Variants in ASIC2 observed in about 807,000 individuals in gnomAD.
ASIC2 encodes the protein acid sensing ion channel subunit 2.
In ASIC2, 25 loss-of-function variants were observed where a neutral mutation model predicts 57.3. The ratio of observed to expected loss-of-function variants is 0.44; its 90% CI spans 0.32 to 0.61. ASIC2 has a LOEUF of 0.61. ASIC2 is among the 20% of genes least tolerant of loss of function. ASIC2 has a pLI of 0.06. For synonymous variants in ASIC2, 319 were observed against 307.5 expected, an observed-to-expected ratio of 1.04 and a Z score of -0.39; for missense variants, 641 against 738.1, an observed-to-expected ratio of 0.87 and a Z score of 1.52.
chr17:34,035,332 T>C (rs1256332089), intron 1 of ASIC2, among the ~76,000 whole-genome samples: 1 of 144,860 alleles, frequency 6.9e-6, no homozygotes, highest in Non-Finnish European at 1.5e-5. Context: ...TAGCCACATG[T>C]AGAAAGCTGA....
chr17:33,090,047 C>T (rs974276884), intron 2 of ASIC2, among the ~76,000 whole-genome samples: 1 of 152,206 alleles, frequency 6.6e-6, no homozygotes, highest in Non-Finnish European at 1.5e-5. Flanking sequence ...GGACCCCAGG[C>T]TCCTTACCCA....
At chr17:33,952,267 G>T (rs1365579551) in intron 1 of ASIC2, among the ~76,000 whole-genome samples, 2 of 152,106 alleles carry the variant, frequency 1.3e-5, no homozygotes, top group African/African-American at 4.8e-5. Flanking sequence ...AAATCAAAAA[G>T]GTGGGGAAGA....
chr17:33,807,040 C>T (rs567361517), intron 1 of ASIC2, among the ~76,000 whole-genome samples: 1 of 152,220 alleles, frequency 6.6e-6, no homozygotes, highest in Non-Finnish European at 1.5e-5. Context: ...GTCATTAGCT[C>T]GGAGGCAGAA....
At chr17:33,847,538 C>T (rs1191143677) in intron 1 of ASIC2, among the ~76,000 whole-genome samples, 2 of 152,170 alleles carry the variant, frequency 1.3e-5, no homozygotes, top group African/African-American at 4.8e-5. Context: ...GCTGACCCTG[C>T]TCGCTGGGTA....
chr17:33,312,095 T>C (rs4499288), intron 1 of ASIC2, among the ~76,000 whole-genome samples: 17,290 of 152,282 alleles, frequency 0.11, 1,235 homozygotes, highest in East Asian at 0.27. Flanking sequence ...TGACCTTGGG[T>C]GAGCCATGCA....
intron 1 of ASIC2, among the ~76,000 whole-genome samples, chr17:33,919,856 G>A (rs1915671241): frequency 6.6e-6 from 1 of 152,230 alleles, no homozygotes; most frequent in Admixed American, 6.5e-5. Context: ...TAAAAAGCGG[G>A]CAAAGGAAAT....
chr17:33,969,450 A>G (rs73276656), intron 1 of ASIC2, among the ~76,000 whole-genome samples: 3,944 of 152,304 alleles, frequency 0.026, 137 homozygotes, highest in African/African-American at 0.071. Flanking sequence ...CTGTCTCACA[A>G]GCAGGCTCAG....
At chr17:33,173,318 A>T (rs1905603273) in intron 1 of ASIC2, among the ~76,000 whole-genome samples, 1 of 152,138 alleles carries the variant, frequency 6.6e-6, no homozygotes, top group African/African-American at 2.4e-5. Flanking sequence ...ATGTGTATGG[A>T]ACAGCACAGC....
At chr17:33,740,159 C>G (rs1910064984) in intron 1 of ASIC2, among the ~76,000 whole-genome samples, 1 of 152,148 alleles carries the variant, frequency 6.6e-6, no homozygotes, top group African/African-American at 2.4e-5. Flanking sequence ...TAAGTAGAGA[C>G]AGGAGAGCAA....
intron 1 of ASIC2, among the ~76,000 whole-genome samples, chr17:33,143,970 A>G (rs2142021009): frequency 6.6e-6 from 1 of 152,232 alleles, no homozygotes; most frequent in Admixed American, 6.5e-5. Context: ...CTGGTATAAT[A>G]TGGTCCCACT....
intron 1 of ASIC2, among the ~76,000 whole-genome samples, chr17:33,886,359 G>A (rs774585869): frequency 8.5e-5 from 13 of 152,194 alleles, no homozygotes; most frequent in East Asian, 1.9e-4. Context: ...GAGGGATTCC[G>A]ATCGTAAAGG....
At chr17:34,009,643 C>G (rs1906647206) in intron 1 of ASIC2, among the ~76,000 whole-genome samples, 1 of 152,134 alleles carries the variant, frequency 6.6e-6, no homozygotes, top group Admixed American at 6.5e-5. Flanking sequence ...CAGCTCTGCT[C>G]TGAGGGAAGT....
At chr17:33,592,959 A>G (rs1215735638) in intron 1 of ASIC2, among the ~76,000 whole-genome samples, 2 of 152,200 alleles carry the variant, frequency 1.3e-5, no homozygotes, top group Non-Finnish European at 2.9e-5. Flanking sequence ...TTTGCAGCTT[A>G]CAGACCCCTA....
At chr17:33,790,984 C>G (rs1016846277) in intron 1 of ASIC2, among the ~76,000 whole-genome samples, 19 of 152,132 alleles carry the variant, frequency 1.2e-4, no homozygotes, top group African/African-American at 4.6e-4. Context: ...GATCATATAG[C>G]CAGTCAGCCT....
chr17:33,019,308 G>A (rs868629428), intron 7 of ASIC2, among the ~76,000 whole-genome samples: 3 of 152,168 alleles, frequency 2.0e-5, no homozygotes, highest in African/African-American at 7.2e-5. Context: ...GTGTGTGAGT[G>A]TGGGTCTGTG....
chr17:33,938,310 GC>G (rs535056360), intron 1 of ASIC2, among the ~76,000 whole-genome samples: 256 of 152,130 alleles, frequency 1.7e-3, no homozygotes, highest in Non-Finnish European at 3.2e-3. Context: ...CAAGTTCACT[GC>G]CCCCTACCAC....
At chr17:33,274,094 T>C (rs1774983244) in intron 1 of ASIC2, among the ~76,000 whole-genome samples, 1 of 152,222 alleles carries the variant, frequency 6.6e-6, no homozygotes, top group Admixed American at 6.5e-5. Context: ...CATCTGTCTG[T>C]TTCCATTTCA....
At chr17:33,050,185 G>A (rs903113771) in intron 3 of ASIC2, among the ~76,000 whole-genome samples, 55 of 152,112 alleles carry the variant, frequency 3.6e-4, no homozygotes, top group African/African-American at 1.3e-3. Context: ...GAACGTGGCC[G>A]CTGGGAAATT....
At chr17:33,425,961 G>T (rs1037817293) in intron 1 of ASIC2, among the ~76,000 whole-genome samples, 2 of 152,116 alleles carry the variant, frequency 1.3e-5, no homozygotes, top group East Asian at 1.9e-4. Context: ...AAGGTGAAGC[G>T]CAGGGACTCT....
Sources: allele counts gnomAD v4.1 joint callset (sites outside exome capture counted in the v4.1 genomes callset), GRCh38; gene constraint gnomAD v4.1.1; transcripts MANE v1.5; gene names NCBI Gene and HGNC (gene_info 2026-07-23, HGNC 2026-07-21).